The following CCDC116 variants were observed in gnomAD, a reference collection of about 807,000 sequenced individuals.
CCDC116 encodes the protein coiled-coil domain-containing protein 116.
CCDC116 carries 24 observed loss-of-function variants against 29.4 expected under a neutral mutation model. That is an observed-to-expected ratio of 0.82 (90% CI 0.59 to 1.15). The LOEUF is 1.15. Ranked by LOEUF, CCDC116 falls within the 50% of genes most tolerant of loss-of-function variation. The pLI is 0.00. For synonymous variants in CCDC116, 298 were observed against 331.4 expected (o/e 0.90, Z 1.10); for missense variants, 791 against 804.0 (o/e 0.98, Z 0.20).
At chr22:21,633,098 G>A (rs2148463139) in intron 1 of CCDC116, 22 bp from the exon 2 acceptor site, 1 of 1,145,716 alleles carries the variant, frequency 8.7e-7, no homozygotes, top group Non-Finnish European at 1.3e-6. Flanking sequence ...AGACCCTCAG[G>A]TTGTCTCCCC....
rs1206766442 is a variant in CCDC116, at chr22:21,636,736, AG to A, written c.1510del (p.Glu504SerfsTer?). Reference protein sequence around the residue: ...THRSCLLRKLEESKRARQASR... With the variant: ...THRSCLLRKLXESKRARQASR... Reference sequence around the variant, plus strand: ...CGGAGCTGCCTGCTGCGTAAACTGGAGGAGTCCAAAAGGGCCCGGCAGGCCT... The same window carrying A: ...CGGAGCTGCCTGCTGCGTAAACTGGAGAGTCCAAAAGGGCCCGGCAGGCCT... On this transcript the variant is annotated frameshift_variant, in exon 5 of 5. Coordinates refer to ENST00000292779, the MANE Select transcript of CCDC116 (RefSeq NM_152612.3). LOFTEE classifies it low-confidence loss of function (END_TRUNC). 2 of 1,613,188 alleles carry A rather than the reference AG, an allele frequency of 1.2e-6. No individual in the cohort carries two copies. The highest frequency in any genetic ancestry group is 2.2e-5 in the South Asian group (2 of 91,078).
Position 21,634,545 on chromosome 22 carries a change from G to A in CCDC116, c.596G>A (p.Arg199Gln), listed in dbSNP as rs200982664. 6.0e-5 allele frequency: 96 copies of A among 1,606,756 alleles called. No homozygotes were observed. The highest frequency in any genetic ancestry group is 5.0e-4 in the Middle Eastern group (3 of 6,034). ...CTCCTGCTGGAGAAGAACCTCAAGC[G>A]GCTGCTACAGCTGGAGAGGGAAGGG... Reference protein sequence around the residue: ...DKLLLEKNLKRLLQLEREGKG... With the variant: ...DKLLLEKNLKQLLQLEREGKG... Residue 199 changes from arginine (R) to glutamine (Q), a missense_variant, in exon 3 of 5, where the codon CGG (arginine) becomes CAG (glutamine). Physicochemically the swap from Arg to Gln is conservative, Grantham distance 43 (BLOSUM62 1). Coordinates refer to ENST00000292779, the MANE Select transcript of CCDC116 (RefSeq NM_152612.3).
In CCDC116 at chr22:21,636,452, G is replaced by T; in HGVS notation, c.1224G>T (p.Arg408Ser). The change falls in exon 5 of 5, where the codon AGG becomes AGT. Residue 408 changes from arginine (R) to serine (S), a missense_variant. Physicochemically the swap from Arg to Ser is moderately radical, Grantham distance 110. Coordinates refer to ENST00000292779, the MANE Select transcript of CCDC116 (RefSeq NM_152612.3). ...TGCAGAGCCCCTGCAGCAGCAGCAG[G>T]TTCACGAAGAAGAAGCCGCTGCCCT... ...FKLKSPCSSS[R>S]FTKKKPLPSI... is the part of the protein sequence containing the mutation. 2 of 1,613,306 alleles carry T rather than the reference G, an allele frequency of 1.2e-6. No homozygotes were observed. The highest frequency in any genetic ancestry group is 1.7e-6 in the Non-Finnish European group (2 of 1,179,816).
chr22:21,633,363 G>A lies in CCDC116; in HGVS notation c.72+110G>A, dbSNP rs549023228. 4.0e-4 allele frequency: 336 copies of A among 831,914 alleles called. 4 individuals are homozygous for A. The South Asian group carries it at 5.4e-3, about 13-fold the overall frequency. The allele number at this position is 831,914 out of a possible 1,614,324, so 51.5% of individuals were successfully genotyped here. On this transcript the variant is annotated intron_variant, in intron 2 of 4. Coordinates refer to ENST00000292779, the MANE Select transcript of CCDC116 (RefSeq NM_152612.3). ...TCTCATTGTCTATTGACTTCTCTGG[G>A]CCTCTTAGTGAAGTCCTTATTGCCT...
At chr22:21,635,330 GACTCA>G (rs1326359140) in intron 4 of CCDC116, 64 bp downstream of exon 4, 2 of 1,378,406 alleles carry the variant, frequency 1.5e-6, no homozygotes. Flanking sequence ...GGAGGCACCT[GACTCA>G]GATCCCAAAT....
Position 21,636,907 on chromosome 22 carries a change from A to C in CCDC116, c.1679A>C (p.Glu560Ala). Residue 560 changes from glutamate to alanine, a missense_variant, in exon 5 of 5, where the codon GAG (glutamate) becomes GCG (alanine). Physicochemically the swap from Glu to Ala is moderately radical, Grantham distance 107. Coordinates refer to ENST00000292779, the MANE Select transcript of CCDC116 (RefSeq NM_152612.3). ...LPASRQLSPL[E>A]PKLYMSACTG... ...GCCAGCCGGCAGCTCAGCCCTTTGG[A>C]GCCCAAGCTCTACATGTCTGCCTGC... 1 of 1,613,776 alleles carries C rather than the reference A, an allele frequency of 6.2e-7. No homozygotes were observed. The highest frequency in any genetic ancestry group is 1.1e-5 in the South Asian group (1 of 91,080).
At chr22:21,633,461 A>G (rs762487719) in intron 2 of CCDC116, among the ~76,000 whole-genome samples, 1 of 152,026 alleles carries the variant, frequency 6.6e-6, no homozygotes, top group Non-Finnish European at 1.5e-5. Context: ...CCTGACTTCC[A>G]GCGACCCAGA....
At position 21,634,322 on chromosome 22, in the gene CCDC116, C is replaced by A; in HGVS notation, c.373C>A (p.His125Asn). ...VEVPSGGRRA[H>N]ARPSLSTVHR... ...GGTGCCAAGTGGTGGACGGCGGGCA[C>A]ATGCCCGGCCCAGCCTCAGCACCGT... is the stretch of plus-strand genomic sequence containing the variant. The change falls in exon 3 of 5, where the codon CAT (histidine) becomes AAT (asparagine). Residue 125 changes from histidine (H) to asparagine (N), a missense_variant. Physicochemically the swap from His to Asn is moderately conservative, Grantham distance 68. Transcript: ENST00000292779. 1 of 1,612,608 alleles carries A rather than the reference C, an allele frequency of 6.2e-7. No individual in the cohort carries two copies. The highest frequency in any genetic ancestry group is 1.1e-5 in the South Asian group (1 of 91,004).
chr22:21,636,099 G>T (rs1386698913), intron 4 of CCDC116, among the ~76,000 whole-genome samples: 1 of 152,204 alleles, frequency 6.6e-6, no homozygotes, highest in Admixed American at 6.5e-5. Context: ...CACAGGCCTG[G>T]GCAGGAGCCT....
chr22:21,635,497 C>T, intron 4 of CCDC116: 1 of 703,176 alleles, frequency 1.4e-6, no homozygotes, highest in Non-Finnish European at 2.6e-6. Context: ...TTTCCTCCCC[C>T]TACCCCCGCT....
rs750498666 is a variant in CCDC116, at chr22:21,633,291, C to A, written c.72+38C>A. The A allele has an allele frequency of 6.7e-6, 10 of 1,485,370 alleles. No individual in the cohort carries two copies. The South Asian group carries it at 1.1e-4, about 17-fold the overall frequency. 92.0% of individuals were successfully genotyped at this position (1,485,370 alleles called of 1,614,324 possible). A position where few individuals can be genotyped will look rare whatever the true frequency, so the allele number is the denominator to read the frequency against. On this transcript the variant is annotated intron_variant, in intron 2 of 4. Coordinates refer to ENST00000292779, the MANE Select transcript of CCDC116 (RefSeq NM_152612.3). ...AGCAGGGCGCCGACCCTTGAGGCCA[C>A]AACATGTTCCCCACCAACCCTGGCA...
In CCDC116 at chr22:21,634,850, C is replaced by A. The variant is rs766178359; in HGVS notation, c.787C>A (p.Gln263Lys). ...PEASEPRPGE[Q>K]EPIFRKREFN... is the part of the protein sequence containing the mutation. ...AGCATCAGAGCCGAGGCCTGGAGAACAGGAGCCAATCTTCCGCAAGCGAGA... is the reference window on the plus strand; with the variant it reads ...AGCATCAGAGCCGAGGCCTGGAGAAAAGGAGCCAATCTTCCGCAAGCGAGA... Residue 263 changes from glutamine (Q) to lysine (K), a missense_variant, in exon 4 of 5, where the codon CAG becomes AAG. Physicochemically the swap from Gln to Lys is moderately conservative, Grantham distance 53. Coordinates refer to ENST00000292779, the MANE Select transcript of CCDC116 (RefSeq NM_152612.3). 6.2e-7 allele frequency: 1 copy of A among 1,613,976 alleles called. No homozygotes were observed. Among genetic ancestry groups the A allele is most frequent in the South Asian group, 1.1e-5 (1 of 91,076 alleles).
In CCDC116 at chr22:21,636,525, G is replaced by A; in HGVS notation, c.1297G>A (p.Glu433Lys). 6.2e-7 allele frequency: 1 copy of A among 1,614,078 alleles called. No homozygotes were observed. Among genetic ancestry groups the A allele is most frequent in the Non-Finnish European group, 8.5e-7 (1 of 1,180,016 alleles). The part of the protein sequence containing the change: ...SMSHFSNRLY[E>K]ELADFLTQQA... ...GTCTCACTTCTCCAACCGCCTTTAT[G>A]AGGAGCTCGCCGACTTCCTGACCCA... Residue 433 changes from glutamate (E) to lysine (K), a missense_variant, in exon 5 of 5, where the codon GAG (glutamate) becomes AAG (lysine). By Grantham distance (56) the Glu-to-Lys change is moderately conservative. Transcript: ENST00000292779.
rs1184957805 is a variant in CCDC116, at chr22:21,636,892, A to C, written c.1664A>C (p.Gln555Pro). Residue 555 changes from glutamine (Q) to proline (P), a missense_variant, in exon 5 of 5, where the codon CAG becomes CCG. Physicochemically the swap from Gln to Pro is moderately conservative, Grantham distance 76. Coordinates refer to ENST00000292779, the MANE Select transcript of CCDC116 (RefSeq NM_152612.3). The part of the protein sequence containing the change: ...SLYTNLPASR[Q>P]LSPLEPKLYM... ...TACACCAACTTGCCAGCCAGCCGGC[A>C]GCTCAGCCCTTTGGAGCCCAAGCTC... 1.2e-6 allele frequency: 2 copies of C among 1,613,800 alleles called. No individual in the cohort carries two copies. Among genetic ancestry groups the C allele is most frequent in the South Asian group, 2.2e-5 (2 of 91,088 alleles).
chr22:21,634,588 G>C lies in CCDC116; in HGVS notation c.621+18G>C. 1 of 1,580,882 alleles carries C rather than the reference G, an allele frequency of 6.3e-7. No individual in the cohort carries two copies. The highest frequency in any genetic ancestry group is 1.2e-5 in the South Asian group (1 of 86,226). On this transcript the variant is annotated intron_variant, in intron 3 of 4. Transcript: ENST00000292779. ...GGGAAGGGGTGAGAGCCAGGGCCATGGCTGGGTGGGGTGGACTCCCATGGA... is the reference window on the plus strand; with the variant it reads ...GGGAAGGGGTGAGAGCCAGGGCCATCGCTGGGTGGGGTGGACTCCCATGGA...
Position 21,635,227 on chromosome 22 carries a change from C to A in CCDC116, c.1164C>A (p.Ser388=). 6.3e-7 allele frequency: 1 copy of A among 1,599,786 alleles called. No homozygotes were observed. The highest frequency in any genetic ancestry group is 8.5e-7 in the Non-Finnish European group (1 of 1,179,948). Residue 388 remains serine (S), a synonymous_variant, in exon 4 of 5, where the codon TCC becomes TCA. Transcript: ENST00000292779. ...RKRKDRGGSP[S]MSSAQVATRF... is the part of the protein sequence containing the mutation. ...GCAAGGACAGAGGAGGCTCCCCCTCCATGTCTAGTGCCCAGGTGGCCACCA... is the reference window on the plus strand; with the variant it reads ...GCAAGGACAGAGGAGGCTCCCCCTCAATGTCTAGTGCCCAGGTGGCCACCA...
Position 21,634,551 on chromosome 22 carries a change from T to C in CCDC116, c.602T>C (p.Leu201Pro). 6.2e-7 allele frequency: 1 copy of C among 1,604,780 alleles called. No homozygotes were observed. The highest frequency in any genetic ancestry group is 8.5e-7 in the Non-Finnish European group (1 of 1,173,530). Reference protein sequence around the residue: ...LLLEKNLKRLLQLEREGKGLS... With the variant: ...LLLEKNLKRLPQLEREGKGLS... Reference sequence around the variant, plus strand: ...CTGGAGAAGAACCTCAAGCGGCTGCTACAGCTGGAGAGGGAAGGGGTGAGA... The same window carrying C: ...CTGGAGAAGAACCTCAAGCGGCTGCCACAGCTGGAGAGGGAAGGGGTGAGA... Residue 201 changes from leucine to proline, a missense_variant, in exon 3 of 5, where the codon CTA (leucine) becomes CCA (proline). By Grantham distance (98) the Leu-to-Pro change is moderately conservative. Transcript: ENST00000292779.
chr22:21,634,734 C>A lies in CCDC116; in HGVS notation c.671C>A (p.Ser224Ter). ...CSQRDSLLWD[S>*]LGSQTSFQWT... is the part of the protein sequence containing the mutation. ...CAGAGGGACTCCCTGCTGTGGGATT[C>A]GCTGGGTAGCCAGACCAGCTTTCAG... The change falls in exon 4 of 5, where the codon TCG becomes TAG. Residue 224 changes from serine (S) to a stop codon, truncating the protein, a stop_gained. Transcript: ENST00000292779. LOFTEE classifies it high-confidence loss of function. The A allele has an allele frequency of 6.2e-7, 1 of 1,612,542 alleles. No individual in the cohort carries two copies. Among genetic ancestry groups the A allele is most frequent in the Non-Finnish European group, 8.5e-7 (1 of 1,178,838 alleles).
At position 21,637,021 on chromosome 22, in the gene CCDC116, A is replaced by G. The variant is rs1452094829; in HGVS notation, c.1793A>G (p.Glu598Gly). 4 of 1,613,378 alleles carry G rather than the reference A, an allele frequency of 2.5e-6. No homozygotes were observed. The highest frequency in any genetic ancestry group is 3.3e-5 in the Admixed American group (2 of 60,026). The change falls in exon 5 of 5, where the codon GAG becomes GGG. Residue 598 changes from glutamate (E) to glycine (G), a missense_variant. Physicochemically the swap from Glu to Gly is moderately conservative, Grantham distance 98 (BLOSUM62 -2). Coordinates refer to ENST00000292779, the MANE Select transcript of CCDC116 (RefSeq NM_152612.3). ...GAGATTGAAGATGAAGATGAGGATG[A>G]GTTCAAGGATGAAGACCAGGATGAG... is the stretch of plus-strand genomic sequence containing the variant. ...KAEIEDEDEDEFKDEDQDEDK... is the reference protein window; with the variant it reads ...KAEIEDEDEDGFKDEDQDEDK...
Sources: allele counts gnomAD v4.1 joint callset (sites outside exome capture counted in the v4.1 genomes callset), GRCh38; gene constraint gnomAD v4.1.1; transcripts MANE v1.5; gene names NCBI Gene and HGNC (gene_info 2026-07-23, HGNC 2026-07-21).